SGCD: variants seen among roughly 807,000 people sequenced by gnomAD.
The protein encoded by SGCD is sarcoglycan delta, also known as delta-sarcoglycan.
A neutral mutation model predicts 36.6 loss-of-function variants in SGCD; 18 were observed. That is an observed-to-expected ratio of 0.49 (90% CI 0.34 to 0.73). The LOEUF (loss-of-function observed/expected upper bound fraction) is 0.73. Ranked by LOEUF, SGCD falls within the 30% of genes least tolerant of loss-of-function variation. The probability of loss-of-function intolerance (pLI) is 0.01; values close to 1 mark genes in which losing one functional copy is unlikely to be tolerated. For synonymous variants in SGCD, 133 were observed against 130.6 expected, an observed-to-expected ratio of 1.02 and a Z score of -0.12; for missense variants, 387 against 346.7, an observed-to-expected ratio of 1.12 and a Z score of -0.92.
intron 3 of SGCD, among the ~76,000 whole-genome samples, chr5:156,478,634 G>A (rs1755295185): frequency 6.6e-6 from 1 of 152,222 alleles, no homozygotes; most frequent in South Asian, 2.1e-4. Flanking sequence ...AGGCTGGAGT[G>A]CAATGGTGCA....
At chr5:156,532,757 G>T (rs1349051850) in intron 4 of SGCD, among the ~76,000 whole-genome samples, 1 of 152,118 alleles carries the variant, frequency 6.6e-6, no homozygotes, top group Non-Finnish European at 1.5e-5. Flanking sequence ...CACCAAGTCT[G>T]CCTATCTTGC....
intron 4 of SGCD, among the ~76,000 whole-genome samples, chr5:156,586,203 G>A (rs1162779649): frequency 6.6e-6 from 1 of 152,096 alleles, no homozygotes; most frequent in Non-Finnish European, 1.5e-5. Context: ...GACCTCGACA[G>A]TTTTGAAGGG....
intron 3 of SGCD, among the ~76,000 whole-genome samples, chr5:156,310,637 G>T (rs1348075448): frequency 1.3e-5 from 2 of 152,154 alleles, no homozygotes; most frequent in Non-Finnish European, 2.9e-5. Flanking sequence ...TTGTCTAGTT[G>T]AGGAGAAAGA....
chr5:155,776,364 G>A, the SGCD span, among the ~76,000 whole-genome samples: 1 of 152,054 alleles, frequency 6.6e-6, no homozygotes, highest in Non-Finnish European at 1.5e-5. Context: ...TTCCTTATCT[G>A]CAGAATATGA....
chr5:156,573,853 C>A (rs1006279121), intron 4 of SGCD, among the ~76,000 whole-genome samples: 1 of 151,968 alleles, frequency 6.6e-6, no homozygotes, highest in African/African-American at 2.4e-5. Flanking sequence ...GTCACCATGC[C>A]CAGCTAATTT....
intron 3 of SGCD, among the ~76,000 whole-genome samples, chr5:156,309,922 C>T (rs1767346287): frequency 6.6e-6 from 1 of 152,034 alleles, no homozygotes; most frequent in South Asian, 2.1e-4. Context: ...TTCCCTGTTT[C>T]ATTGTATGTC....
chr5:156,354,945 A>C (rs1350374081), intron 3 of SGCD, among the ~76,000 whole-genome samples: 2 of 152,206 alleles, frequency 1.3e-5, no homozygotes, highest in Non-Finnish European at 2.9e-5. Flanking sequence ...ATTAGTTAAG[A>C]TTTCTAGGTT....
intron 3 of SGCD, among the ~76,000 whole-genome samples, chr5:156,158,740 T>C (rs1343505536): frequency 6.6e-6 from 1 of 151,626 alleles, no homozygotes; most frequent in East Asian, 1.9e-4. Flanking sequence ...CAATTGTTTT[T>C]GAATTTATTT....
intron 1 of SGCD, among the ~76,000 whole-genome samples, chr5:156,104,196 G>A (rs1293465394): frequency 6.6e-6 from 1 of 152,044 alleles, no homozygotes; most frequent in Non-Finnish European, 1.5e-5. Flanking sequence ...AAGACTCTTA[G>A]GTTACATGAG....
At chr5:156,404,693 A>G (rs924057800) in intron 3 of SGCD, among the ~76,000 whole-genome samples, 1 of 152,100 alleles carries the variant, frequency 6.6e-6, no homozygotes, top group Non-Finnish European at 1.5e-5. Flanking sequence ...TTTTTCTTTT[A>G]CTGATGGAAA....
At chr5:156,151,076 A>G (rs1393719222) in intron 3 of SGCD, among the ~76,000 whole-genome samples, 1 of 151,806 alleles carries the variant, frequency 6.6e-6, no homozygotes, top group Non-Finnish European at 1.5e-5. Context: ...TCAGTAACAC[A>G]TTAATATAAA....
intron 3 of SGCD, among the ~76,000 whole-genome samples, chr5:156,436,872 T>G (rs1753269124): frequency 2.6e-5 from 4 of 152,166 alleles, no homozygotes; most frequent in Admixed American, 2.6e-4. Flanking sequence ...CCAAGTCTGA[T>G]ACATGGAAAG....
At chr5:156,085,414 C>T (rs1761068725) in intron 1 of SGCD, among the ~76,000 whole-genome samples, 1 of 152,102 alleles carries the variant, frequency 6.6e-6, no homozygotes, top group South Asian at 2.1e-4. Flanking sequence ...TCCCCACTCC[C>T]CTCTCCCTCT....
chr5:156,427,925 T>G (rs1773747188), intron 3 of SGCD, among the ~76,000 whole-genome samples: 1 of 152,196 alleles, frequency 6.6e-6, no homozygotes, highest in Non-Finnish European at 1.5e-5. Flanking sequence ...GATATGTTGT[T>G]GGATTCAGTT....
chr5:156,345,641 C>A (rs998721755), intron 3 of SGCD, among the ~76,000 whole-genome samples: 1 of 152,068 alleles, frequency 6.6e-6, no homozygotes, highest in Non-Finnish European at 1.5e-5. Context: ...GCCTGGGAAA[C>A]ATAGCAAGAC....
the SGCD span, among the ~76,000 whole-genome samples, chr5:155,738,242 T>A: frequency 6.6e-6 from 1 of 152,208 alleles, no homozygotes; most frequent in Non-Finnish European, 1.5e-5. Context: ...GATTTTTAAT[T>A]TATTTAACAC....
intron 1 of SGCD, among the ~76,000 whole-genome samples, chr5:155,958,664 A>C (rs573148004): frequency 6.6e-6 from 1 of 152,294 alleles, no homozygotes; most frequent in African/African-American, 2.4e-5. Flanking sequence ...GGGTCAGAAC[A>C]GTATTTGAGT....
the SGCD span, among the ~76,000 whole-genome samples, chr5:155,750,154 G>C: frequency 3.3e-5 from 5 of 152,152 alleles, no homozygotes; most frequent in South Asian, 8.3e-4. Flanking sequence ...TAACAAGCAA[G>C]TTATGAAACA....
chr5:155,840,794 C>T, the SGCD span, among the ~76,000 whole-genome samples: 1 of 151,356 alleles, frequency 6.6e-6, no homozygotes, highest in South Asian at 2.1e-4. Flanking sequence ...GGCAGATCAC[C>T]TGAGGTCAGG....
Sources: gnomAD v4.1 joint callset for allele counts (sites outside exome capture counted in the v4.1 genomes callset) on GRCh38, gnomAD v4.1.1 for gene constraint, MANE v1.5 for transcripts, NCBI Gene and HGNC (gene_info 2026-07-23, HGNC 2026-07-21) for gene names.